BRSK1: variants seen among roughly 807,000 people sequenced by gnomAD.
BRSK1 encodes the protein serine/threonine-protein kinase BRSK1.
In BRSK1, 17 loss-of-function variants were observed where a neutral mutation model predicts 86.2. The observed-to-expected ratio is 0.20, with a 90% CI of 0.14 to 0.30. The LOEUF is 0.30. Among genes scored for constraint, BRSK1 ranks in the 10% least tolerant of loss-of-function variants. The pLI, the probability that BRSK1 is intolerant of heterozygous loss-of-function variation, is 1.00. For missense variants in BRSK1, 719 were observed against 1,071.9 expected (o/e 0.67, Z 4.60); for synonymous variants, 464 against 440.1 (o/e 1.05, Z -0.68).
intron 7 of BRSK1, among the ~76,000 whole-genome samples, chr19:55,300,603 C>T (rs905882316): frequency 1.3e-5 from 2 of 152,180 alleles, no homozygotes; most frequent in Non-Finnish European, 2.9e-5. Flanking sequence ...CTTTGGGAGG[C>T]TGAGGCAGGT....
Position 55,287,413 on chromosome 19 carries a change from C to G in BRSK1, c.317+114C>G. 1 of 955,924 alleles carries G rather than the reference C, an allele frequency of 1.0e-6. No individual in the cohort carries two copies. The highest frequency in any genetic ancestry group is 1.6e-6 in the Non-Finnish European group (1 of 616,258). The allele number at this position is 955,924 out of a possible 1,614,324, so 59.2% of individuals were successfully genotyped here. On this transcript the variant is annotated intron_variant, in intron 3 of 18. Coordinates refer to ENST00000309383, the MANE Select transcript of BRSK1 (RefSeq NM_032430.2). The surrounding 1 kb of genome is among the most constrained non-coding windows in gnomAD (Gnocchi z 5.3). ...CCTGGGGGACCTGCAGCTCTCCAGG[C>G]TGGACCGCTGAAGGCCCAGTTCCTT...
At position 55,297,032 on chromosome 19, in the gene BRSK1, A is replaced by G. The variant is rs148636355; in HGVS notation, c.678+2635A>G. On this transcript the variant is annotated intron_variant, in intron 7 of 18. Coordinates refer to ENST00000309383, the MANE Select transcript of BRSK1 (RefSeq NM_032430.2). ...CCTCGTCTCAAAAATAAATAAATAA[A>G]TAAGTAATAAGTAGAAAAGAAAAAG... Among the ~76,000 whole-genome samples, 315 of 152,150 alleles carry G rather than the reference A, an allele frequency of 2.1e-3. 1 individual carries two copies. The highest frequency in any genetic ancestry group is 3.4e-3 in the Non-Finnish European group (233 of 67,992).
chr19:55,311,794 C>T (rs554957744), intron 18 of BRSK1, 117 bp from the exon 19 acceptor site: 1 of 1,087,440 alleles, frequency 9.2e-7, no homozygotes, highest in East Asian at 2.7e-5. Flanking sequence ...GGGATTGGAG[C>T]TAGAGCCTCG....
chr19:55,295,403 G>A (rs1002897537), intron 7 of BRSK1, among the ~76,000 whole-genome samples: 18 of 152,102 alleles, frequency 1.2e-4, no homozygotes, highest in African/African-American at 3.4e-4. Flanking sequence ...GATTACATGC[G>A]TGAGGCCACC....
At position 55,284,342 on chromosome 19, in the gene BRSK1, G is replaced by A; in HGVS notation, c.-101G>A. The A allele has an allele frequency of 1.1e-6, 1 of 905,036 alleles. No homozygotes were observed. Among genetic ancestry groups the A allele is most frequent in the South Asian group, 5.5e-5 (1 of 18,132 alleles). 56.1% of individuals were successfully genotyped at this position (905,036 alleles called of 1,614,324 possible). ...CCCCGGAGAGGTGGGGGGCAGCCGGGGGGGCCGGGACGGAGCGGTCGCCGG... is the reference window on the plus strand; with the variant it reads ...CCCCGGAGAGGTGGGGGGCAGCCGGAGGGGCCGGGACGGAGCGGTCGCCGG... On this transcript the variant is annotated 5_prime_UTR_variant, in exon 1 of 19. Transcript: ENST00000309383.
chr19:55,291,913 C>T lies in BRSK1; in HGVS notation c.459-2104C>T, dbSNP rs1280987698. Among the ~76,000 whole-genome samples the T allele has an allele frequency of 3.9e-5, 6 of 152,280 alleles. No individual in the cohort carries two copies. In the East Asian group the frequency reaches 9.7e-4, roughly 25 times the overall value. On this transcript the variant is annotated intron_variant, in intron 4 of 18. Coordinates refer to ENST00000309383, the MANE Select transcript of BRSK1 (RefSeq NM_032430.2). The stretch of plus-strand genomic sequence containing the variant: ...ACCTGGGACTACAGGCACCCGCCAC[C>T]ATGCCCGGCTAATTTTTTGTATTTT...
At position 55,294,278 on chromosome 19, in the gene BRSK1, G is replaced by A; in HGVS notation, c.609+31G>A. ...TGAGGGGCGGATAGAGGGGAGAGGG[G>A]TGGAGGCAGCAGTGAGGAGCGATGA... is the stretch of plus-strand genomic sequence containing the variant. On this transcript the variant is annotated intron_variant, in intron 6 of 18. Transcript: ENST00000309383. This position sits in a 1 kb window ranked among gnomAD's most constrained non-coding sequence, Gnocchi z 4.9. 1 of 1,614,150 alleles carries A rather than the reference G, an allele frequency of 6.2e-7. No individual in the cohort carries two copies. Among genetic ancestry groups the A allele is most frequent in the South Asian group, 1.1e-5 (1 of 91,086 alleles).
rs867799337 is a variant in BRSK1 at position 55,284,447 on chromosome 19, C to T, written c.5C>T (p.Ser2Leu). The T allele has an allele frequency of 2.3e-6, 3 of 1,280,772 alleles. No homozygotes were observed. The highest frequency in any genetic ancestry group is 4.4e-5 in the South Asian group (2 of 45,920). The allele number at this position is 1,280,772 out of a possible 1,614,324, so 79.3% of individuals were successfully genotyped here. ...CGGGCCGGGACCAAGGGCACCATGTCGTCCGGGGCCAAGGAGGGAGGTGGG... is the reference window on the plus strand; with the variant it reads ...CGGGCCGGGACCAAGGGCACCATGTTGTCCGGGGCCAAGGAGGGAGGTGGG... M[S>L]SGAKEGGGGS... Residue 2 changes from serine to leucine, a missense_variant, in exon 1 of 19, where the codon TCG becomes TTG. This residue lies in a region of BRSK1 where 71 missense variants were observed against 92.6 expected (regional missense o/e 0.77). Coordinates refer to ENST00000309383, the MANE Select transcript of BRSK1 (RefSeq NM_032430.2).
At chr19:55,291,883 C>T (rs2088411875) in intron 4 of BRSK1, among the ~76,000 whole-genome samples, 4 of 152,140 alleles carry the variant, frequency 2.6e-5, no homozygotes, top group East Asian at 1.9e-4. Flanking sequence ...CTCAACCTTC[C>T]GAGTACCTGG....
In BRSK1 at chr19:55,304,740, GGCGGGA is replaced by G; in HGVS notation, c.1538_1543del (p.Gly513_Thr515delinsAla). 1 of 1,530,942 alleles carries G rather than the reference GGCGGGA, an allele frequency of 6.5e-7. No individual in the cohort carries two copies. Among genetic ancestry groups the G allele is most frequent in the Non-Finnish European group, 8.7e-7 (1 of 1,144,038 alleles). The allele number at this position is 1,530,942 out of a possible 1,614,324, so 94.8% of individuals were successfully genotyped here. ...CCCCCCAGGCTCCCCGCGCTCCTCT[GGCGGGA>G]CCCCCTTGCACTCGCCTCTGCACAC... On this transcript the variant is annotated inframe_deletion, in exon 14 of 19. Coordinates refer to ENST00000309383, the MANE Select transcript of BRSK1 (RefSeq NM_032430.2). The surrounding 1 kb of genome is among the most constrained non-coding windows in gnomAD (Gnocchi z 5.2).
chr19:55,304,189 CA>C lies in BRSK1; in HGVS notation c.1347+81del, dbSNP rs2088613060. ...AGCAAAGATTGAGTAGCAGAAACTA[CA>C]ATTCCTGTGCAGTCTTGAGACTTGC... On this transcript the variant is annotated intron_variant, in intron 13 of 18. Transcript: ENST00000309383. The surrounding 1 kb of genome is among the most constrained non-coding windows in gnomAD (Gnocchi z 5.2). 1 of 1,394,618 alleles carries C rather than the reference CA, an allele frequency of 7.2e-7. No individual in the cohort carries two copies. The highest frequency in any genetic ancestry group is 1.4e-5 in the African/African-American group (1 of 69,748). 86.4% of individuals were successfully genotyped at this position (1,394,618 alleles called of 1,614,324 possible).
chr19:55,288,901 A>G (rs532026932), intron 3 of BRSK1, among the ~76,000 whole-genome samples: 1 of 152,160 alleles, frequency 6.6e-6, no homozygotes, highest in South Asian at 2.1e-4. Flanking sequence ...GGGGGTTTTT[A>G]ACTTCTAGGC....
Position 55,306,992 on chromosome 19 carries a change from A to G in BRSK1, c.2089+542A>G, listed in dbSNP as rs937910860. ...CTCAGTGGCAGCCTCAGGAACTTGA[A>G]CTCCAGGCAGCCATGACCAGTCGAG... On this transcript the variant is annotated intron_variant, in intron 17 of 18. Coordinates refer to ENST00000309383, the MANE Select transcript of BRSK1 (RefSeq NM_032430.2). The surrounding 1 kb of genome is among the most constrained non-coding windows in gnomAD (Gnocchi z 4.7). 6.6e-6 allele frequency among the ~76,000 whole-genome samples: 1 copy of G among 152,110 alleles called. No homozygotes were observed. The highest frequency in any genetic ancestry group is 1.5e-5 in the Non-Finnish European group (1 of 68,020).
At position 55,310,715 on chromosome 19, in the gene BRSK1, G is replaced by A. The variant is rs1218909723; in HGVS notation, c.2180-1196G>A. On this transcript the variant is annotated intron_variant, in intron 18 of 18. Coordinates refer to ENST00000309383, the MANE Select transcript of BRSK1 (RefSeq NM_032430.2). This position sits in a 1 kb window ranked among gnomAD's most constrained non-coding sequence, Gnocchi z 5.0. ...GACAGCTGGGTCCCAAATGGCAGTC[G>A]TGCTGAGGTGCAGAAACCCTCTTTT... Among the ~76,000 whole-genome samples the A allele has an allele frequency of 1.3e-5, 2 of 152,158 alleles. No homozygotes were observed. Among genetic ancestry groups the A allele is most frequent in the Non-Finnish European group, 2.9e-5 (2 of 68,022 alleles).
intron 7 of BRSK1, among the ~76,000 whole-genome samples, chr19:55,296,269 T>TA (rs1478920443): frequency 6.6e-6 from 1 of 152,150 alleles, no homozygotes; most frequent in Admixed American, 6.6e-5. Context: ...TTCCCTTCTG[T>TA]ATCATCAACT....
intron 1 of BRSK1, among the ~76,000 whole-genome samples, chr19:55,284,829 T>G (rs1309210831): frequency 7.5e-6 from 1 of 133,512 alleles, no homozygotes; most frequent in Non-Finnish European, 1.6e-5. Flanking sequence ...GGCACTGGAC[T>G]CCTAGGTCTG....
At chr19:55,305,613 C>G in intron 16 of BRSK1, 27 bp downstream of exon 16, 2 of 1,613,398 alleles carry the variant, frequency 1.2e-6, no homozygotes, top group South Asian at 1.1e-5. Flanking sequence ...CCCATCGAGC[C>G]TGGCCCCCGC....
At chr19:55,301,716 C>T in intron 8 of BRSK1, 58 bp downstream of exon 8, 1 of 1,567,170 alleles carries the variant, frequency 6.4e-7, no homozygotes, top group South Asian at 1.1e-5. Flanking sequence ...GACAGAACCC[C>T]CTAGAAAAGT....
rs748090271 is a variant in BRSK1, at chr19:55,303,271, C to T, written c.1029-40C>T. ...TGAGCATTGATGTTGGACCTCAGCC[C>T]TCTGCTACCTCTTTCCACCTTTCCC... is the stretch of plus-strand genomic sequence containing the variant. On this transcript the variant is annotated intron_variant, in intron 10 of 18. Transcript: ENST00000309383. This position sits in a 1 kb window ranked among gnomAD's most constrained non-coding sequence, Gnocchi z 5.1. 3 of 1,521,360 alleles carry T rather than the reference C, an allele frequency of 2.0e-6. No homozygotes were observed. The highest frequency in any genetic ancestry group is 2.7e-6 in the Non-Finnish European group (3 of 1,096,402). The allele number at this position is 1,521,360 out of a possible 1,614,324, so 94.2% of individuals were successfully genotyped here.
Sources: allele counts gnomAD v4.1 joint callset (sites outside exome capture counted in the v4.1 genomes callset), GRCh38; gene constraint gnomAD v4.1.1; regional missense constraint gnomAD v4.1.1; non-coding constraint Gnocchi (gnomAD v3.1); transcripts MANE v1.5; gene names NCBI Gene and HGNC (gene_info 2026-07-23, HGNC 2026-07-21).